The following COL5A1 variants were observed in gnomAD, a reference collection of about 807,000 sequenced individuals.
COL5A1 encodes collagen alpha-1(V) chain.
COL5A1 carries 16 observed loss-of-function variants against 263.7 expected under a neutral mutation model. That is an observed-to-expected ratio of 0.06 (90% confidence interval 0.04 to 0.09). The LOEUF (loss-of-function observed/expected upper bound fraction) is 0.09, where lower values mean the gene tolerates loss of function less well. Among genes scored for constraint, COL5A1 ranks in the 10% least tolerant of loss-of-function variants. The pLI is 1.00. For synonymous variants in COL5A1, 1,012 were observed against 1,004.5 expected, an observed-to-expected ratio of 1.01 and a Z score of -0.14; for missense variants, 2,036 against 2,540.5, an observed-to-expected ratio of 0.80 and a Z score of 4.27.
intron 1 of COL5A1, among the ~76,000 whole-genome samples, chr9:134,689,746 C>G (rs1329744805): frequency 6.6e-6 from 1 of 152,216 alleles, no homozygotes; most frequent in Non-Finnish European, 1.5e-5. Context: ...CTCTGATTGG[C>G]CAGCAGAGGG....
intron 4 of COL5A1, chr9:134,708,368 C>G (rs2132589251): frequency 2.9e-6 from 1 of 339,974 alleles, no homozygotes; most frequent in Admixed American, 4.1e-5. Context: ...TGGCCCAAGT[C>G]CCTGCTGCTG....
intron 1 of COL5A1, among the ~76,000 whole-genome samples, chr9:134,651,986 C>A (rs1172983894): frequency 6.6e-6 from 1 of 152,152 alleles, no homozygotes; most frequent in Non-Finnish European, 1.5e-5. Flanking sequence ...GTGGACGTTC[C>A]CCTTCCTTCT....
At chr9:134,815,665 C>A in intron 51 of COL5A1, 36 bp downstream of exon 51, 1 of 1,607,872 alleles carries the variant, frequency 6.2e-7, no homozygotes, top group Non-Finnish European at 8.5e-7. Flanking sequence ...CCGGATCCCC[C>A]ACAGTGCTGG....
intron 3 of COL5A1, 123 bp from the exon 4 acceptor site, chr9:134,701,048 T>C (rs1833654652): frequency 3.0e-6 from 3 of 991,092 alleles, no homozygotes; most frequent in Non-Finnish European, 4.6e-6. Flanking sequence ...CTTGATCTGC[T>C]CCGCCCCACC....
At chr9:134,689,964 G>T (rs1833217546) in intron 1 of COL5A1, among the ~76,000 whole-genome samples, 1 of 152,214 alleles carries the variant, frequency 6.6e-6, no homozygotes, top group Non-Finnish European at 1.5e-5. Flanking sequence ...TTCAGGGCAG[G>T]TTCCTGGATT....
Position 134,652,762 on chromosome 9 carries a change from C to T in COL5A1, c.109+10466C>T. ...ACAGGAGGGAGGGCCTCTTCTTAGG[C>T]CGGGTCCAGCGTTTCTCCTCATGGT... On this transcript the variant is annotated intron_variant, in intron 1 of 65. Coordinates refer to ENST00000371817, the MANE Select transcript of COL5A1 (RefSeq NM_000093.5). This position sits in a 1 kb window ranked among gnomAD's most constrained non-coding sequence, Gnocchi z 4.4. 1 of 470,506 alleles carries T rather than the reference C, an allele frequency of 2.1e-6. No individual in the cohort carries two copies. Among genetic ancestry groups the T allele is most frequent in the Non-Finnish European group, 4.4e-6 (1 of 226,744 alleles). 29.1% of individuals were successfully genotyped at this position (470,506 alleles called of 1,614,324 possible).
chr9:134,714,189 C>A (rs987011789), intron 4 of COL5A1, among the ~76,000 whole-genome samples: 4 of 152,056 alleles, frequency 2.6e-5, no homozygotes, highest in African/African-American at 9.7e-5. Context: ...TTCCTGCAGG[C>A]CTTCATGCTA....
chr9:134,699,758 A>G, intron 2 of COL5A1, 151 bp from the exon 3 acceptor site: 2 of 775,956 alleles, frequency 2.6e-6, no homozygotes, highest in Admixed American at 4.0e-5. Context: ...GAGCAGTTTG[A>G]TCAAGGGGCA....
intron 4 of COL5A1, among the ~76,000 whole-genome samples, chr9:134,718,104 A>C (rs1834335433): frequency 6.6e-6 from 1 of 152,194 alleles, no homozygotes; most frequent in Non-Finnish European, 1.5e-5. Context: ...AAAACTTTGC[A>C]GTTTCCTCAG....
Position 134,795,133 on chromosome 9 carries a change from A to G in COL5A1, c.2745+7A>G, listed in dbSNP as rs1588558338. The G allele has an allele frequency of 2.5e-5, 40 of 1,613,594 alleles. No individual in the cohort carries two copies. The East Asian group carries it at 8.9e-4, about 36-fold the overall frequency. On this transcript the variant is annotated splice_region_variant and intron_variant, in intron 33 of 65. Coordinates refer to ENST00000371817, the MANE Select transcript of COL5A1 (RefSeq NM_000093.5). ...GGGGCAGCGAGGCCCAACGGTAACC[A>G]CCCTTTCAGCTTGTGGGCATGTTTG...
At chr9:134,683,887 T>A (rs1832934459) in intron 1 of COL5A1, among the ~76,000 whole-genome samples, 1 of 152,152 alleles carries the variant, frequency 6.6e-6, no homozygotes, top group Admixed American at 6.5e-5. Flanking sequence ...GGCTCTGAGG[T>A]CAGCACTTGG....
intron 1 of COL5A1, among the ~76,000 whole-genome samples, chr9:134,655,783 G>T (rs949361567): frequency 1.3e-5 from 2 of 152,116 alleles, no homozygotes; most frequent in Non-Finnish European, 2.9e-5. Flanking sequence ...GGACCCAGAG[G>T]GTGCCATGGG....
chr9:134,814,537 T>G (rs1299720134), intron 49 of COL5A1, among the ~76,000 whole-genome samples: 1 of 151,912 alleles, frequency 6.6e-6, no homozygotes, highest in Non-Finnish European at 1.5e-5. Flanking sequence ...GGTCCAGGAG[T>G]CAGTCCCTCC....
rs1019267815 is a variant in COL5A1 at position 134,641,815 on chromosome 9, C to A, written c.-373C>A. On this transcript the variant is annotated 5_prime_UTR_variant, in exon 1 of 66. Transcript: ENST00000371817. ...CGCCGAAGGCGAGGTCCGCACTCTC[C>A]GTCCCCGCGGCTGGCGCAGGACCTC... The A allele has an allele frequency of 7.8e-6, 3 of 386,814 alleles. No individual in the cohort carries two copies. The highest frequency in any genetic ancestry group is 1.4e-5 in the Non-Finnish European group (3 of 218,730). 24.0% of individuals were successfully genotyped at this position (386,814 alleles called of 1,614,324 possible). A position where few individuals can be genotyped will look rare whatever the true frequency, so the allele number is the denominator to read the frequency against.
chr9:134,734,309 T>C (rs753472944), intron 9 of COL5A1, among the ~76,000 whole-genome samples: 2 of 149,316 alleles, frequency 1.3e-5, no homozygotes, highest in African/African-American at 5.0e-5. Flanking sequence ...GAAAGTCCAG[T>C]TCACCTTTGT....
chr9:134,808,673 T>C (rs1838394258), intron 42 of COL5A1, among the ~76,000 whole-genome samples: 1 of 152,310 alleles, frequency 6.6e-6, no homozygotes, highest in African/African-American at 2.4e-5. Flanking sequence ...CGTGTTCACA[T>C]GTGTGCATGT....
At position 134,834,466 on chromosome 9, in the gene COL5A1, G is replaced by A. The variant is rs561516346; in HGVS notation, c.5137-505G>A. ...GGCACTGCAGTGGGTGCTGGCCCAG[G>A]AGACACTGGCTGCCGTTCACCATGC... On this transcript the variant is annotated intron_variant, in intron 64 of 65. Transcript: ENST00000371817. 2.1e-3 allele frequency among the ~76,000 whole-genome samples: 320 copies of A among 152,306 alleles called. 1 individual carries two copies. The highest frequency in any genetic ancestry group is 7.1e-3 in the African/African-American group (296 of 41,566).
intron 11 of COL5A1, among the ~76,000 whole-genome samples, chr9:134,744,624 T>C (rs558040353): frequency 2.7e-5 from 4 of 148,908 alleles, no homozygotes; most frequent in Middle Eastern, 7.2e-3. Context: ...CACACACTCA[T>C]GCACACACTC....
At position 134,742,674 on chromosome 9, in the gene COL5A1, G is replaced by A. The variant is rs1835343704; in HGVS notation, c.1494+3866G>A. Among the ~76,000 whole-genome samples, 1 of 152,220 alleles carries A rather than the reference G, an allele frequency of 6.6e-6. No individual in the cohort carries two copies. The highest frequency in any genetic ancestry group is 2.4e-5 in the African/African-American group (1 of 41,460). On this transcript the variant is annotated intron_variant, in intron 11 of 65. Transcript: ENST00000371817. The surrounding 1 kb of genome is among the most constrained non-coding windows in gnomAD (Gnocchi z 4.6). ...AGCCCCTCTCTGGCCTGGGTTTCTT[G>A]TGGGTCTGGCTTCTGTGCCACCTGC... is the stretch of plus-strand genomic sequence containing the variant.
Sources: allele counts gnomAD v4.1 joint callset (sites outside exome capture counted in the v4.1 genomes callset), GRCh38; gene constraint gnomAD v4.1.1; non-coding constraint Gnocchi (gnomAD v3.1); transcripts MANE v1.5; gene names NCBI Gene and HGNC (gene_info 2026-07-23, HGNC 2026-07-21).